The following TFPI variants were observed in gnomAD, a reference collection of about 807,000 sequenced individuals.
TFPI encodes tissue factor pathway inhibitor, also known as anti-convertin.
A neutral mutation model predicts 34.6 loss-of-function variants in TFPI; 15 were observed. The ratio of observed to expected loss-of-function variants is 0.43; its 90% CI spans 0.29 to 0.67. TFPI has a LOEUF of 0.67. TFPI is among the 30% of genes least tolerant of loss of function. The pLI, the probability that TFPI is intolerant of heterozygous loss-of-function variation, is 0.15. For missense variants in TFPI, 301 were observed against 364.0 expected, an observed-to-expected ratio of 0.83 and a Z score of 1.41; for synonymous variants, 105 against 120.1, an observed-to-expected ratio of 0.87 and a Z score of 0.82.
At chr2:187,538,838 T>G (rs1023474820) in intron 1 of TFPI, among the ~76,000 whole-genome samples, 1 of 152,224 alleles carries the variant, frequency 6.6e-6, no homozygotes, top group African/African-American at 2.4e-5. Flanking sequence ...CTCATATTTT[T>G]GGGCAATATC....
intron 1 of TFPI, among the ~76,000 whole-genome samples, chr2:187,521,577 T>A (rs1687374317): frequency 6.6e-6 from 1 of 152,080 alleles, no homozygotes. Flanking sequence ...CATTTCAATT[T>A]CTTTTTTTTG....
chr2:187,483,989 A>T lies in TFPI; in HGVS notation c.628+135T>A, dbSNP rs1693065961. The T allele has an allele frequency of 5.6e-6, 4 of 712,404 alleles. No homozygotes were observed. The South Asian group carries it at 7.9e-5, about 14-fold the overall frequency. 44.1% of individuals were successfully genotyped at this position (712,404 alleles called of 1,614,324 possible). A position where few individuals can be genotyped will look rare whatever the true frequency, so the allele number is the denominator to read the frequency against. The stretch of plus-strand genomic sequence containing the variant: ...TGTCTTAAACAATTTGAATCTCAGT[A>T]TTTCAACAAACACATTATTAAGCAA... On this transcript the variant is annotated intron_variant, in intron 6 of 7. Coordinates refer to ENST00000233156, the MANE Select transcript of TFPI (RefSeq NM_006287.6).
In TFPI at chr2:187,488,384, A is replaced by G. The variant is rs745456760; in HGVS notation, c.320-9T>C. Reference sequence around the variant, plus strand: ...AATCCTGTTTGCATTATCTGTAATCAAAAGAATATATGCATATCAATTGTC... The same window carrying G: ...AATCCTGTTTGCATTATCTGTAATCGAAAGAATATATGCATATCAATTGTC... On this transcript the variant is annotated splice_polypyrimidine_tract_variant and intron_variant, in intron 3 of 7. Coordinates refer to ENST00000233156, the MANE Select transcript of TFPI (RefSeq NM_006287.6). 41 of 1,527,418 alleles carry G rather than the reference A, an allele frequency of 2.7e-5. No homozygotes were observed. The highest frequency in any genetic ancestry group is 5.6e-5 in the African/African-American group (4 of 71,104). The allele number at this position is 1,527,418 out of a possible 1,614,324, so 94.6% of individuals were successfully genotyped here. A position where few individuals can be genotyped will look rare whatever the true frequency, so the allele number is the denominator to read the frequency against.
intron 1 of TFPI, chr2:187,514,953 T>C (rs1318965353): frequency 6.6e-6 from 1 of 152,212 alleles, no homozygotes; most frequent in Non-Finnish European, 1.5e-5. Flanking sequence ...AGCAACGAGC[T>C]TTTCATGAGT....
intron 1 of TFPI, among the ~76,000 whole-genome samples, chr2:187,527,869 C>T (rs543765100): frequency 2.0e-4 from 30 of 151,998 alleles, no homozygotes; most frequent in African/African-American, 7.2e-4. Context: ...TATCTTAGAG[C>T]TACATAATAT....
intron 6 of TFPI, among the ~76,000 whole-genome samples, chr2:187,475,805 G>A (rs865970726): frequency 3.3e-5 from 5 of 152,026 alleles, no homozygotes; most frequent in Non-Finnish European, 5.9e-5. Context: ...AATAATACCT[G>A]AGCAAAACTA....
chr2:187,515,626 T>C (rs1686950405), intron 1 of TFPI: 1 of 152,178 alleles, frequency 6.6e-6, no homozygotes. Context: ...TGGGACTCAT[T>C]TTCCTTAAAA....
Position 187,467,924 on chromosome 2 carries a change from C to T in TFPI, c.637G>A (p.Gly213Ser), listed in dbSNP as rs746176720. The T allele has an allele frequency of 3.8e-5, 59 of 1,562,106 alleles. No individual in the cohort carries two copies. The highest frequency in any genetic ancestry group is 4.8e-5 in the Non-Finnish European group (56 of 1,157,076). Residue 213 changes from glycine to serine, a missense_variant, in exon 7 of 8, where the codon GGT becomes AGT. By Grantham distance (56) the Gly-to-Ser change is moderately conservative. Transcript: ENST00000233156. ...GCTGGAGTGAGACACCATGAGGGACCGTGAAATTCTAAAAACAATCAGGAA... is the reference window on the plus strand; with the variant it reads ...GCTGGAGTGAGACACCATGAGGGACTGTGAAATTCTAAAAACAATCAGGAA... ...TKVPSLFEFH[G>S]PSWCLTPADR...
chr2:187,516,526 C>T (rs577573687), intron 1 of TFPI: 10 of 152,322 alleles, frequency 6.6e-5, no homozygotes, highest in African/African-American at 2.2e-4. Context: ...CTATATGAAT[C>T]ACTATTGATC....
intron 5 of TFPI, chr2:187,484,527 T>C (rs1344378669): frequency 4.2e-6 from 2 of 481,528 alleles, no homozygotes; most frequent in East Asian, 7.1e-5. Context: ...TTTGTATAAA[T>C]GTGAAAGATT....
intron 1 of TFPI, among the ~76,000 whole-genome samples, chr2:187,510,733 C>T (rs1686564887): frequency 6.6e-6 from 1 of 152,152 alleles, no homozygotes; most frequent in African/African-American, 2.4e-5. Context: ...ATTACTGGTG[C>T]ATGCAGCCCC....
chr2:187,536,052 A>C (rs1280391092), intron 1 of TFPI, among the ~76,000 whole-genome samples: 1 of 152,228 alleles, frequency 6.6e-6, no homozygotes, highest in African/African-American at 2.4e-5. Context: ...AAACGCCTGA[A>C]TAGACCAATA....
intron 1 of TFPI, among the ~76,000 whole-genome samples, chr2:187,538,292 T>G (rs1412304579): frequency 2.6e-5 from 4 of 152,176 alleles, no homozygotes; most frequent in Non-Finnish European, 5.9e-5. Context: ...ACAAGTATGT[T>G]TATTGCAGCA....
chr2:187,470,499 C>T (rs1330704059), intron 6 of TFPI, among the ~76,000 whole-genome samples: 1 of 152,106 alleles, frequency 6.6e-6, no homozygotes. Context: ...TATCATAGAC[C>T]AAGAACAGCA....
chr2:187,528,798 C>T (rs1045144871), intron 1 of TFPI, among the ~76,000 whole-genome samples: 3 of 151,736 alleles, frequency 2.0e-5, no homozygotes, highest in Non-Finnish European at 2.9e-5. Context: ...CTATATTTGA[C>T]CCTGAAGCAA....
At chr2:187,472,351 C>A (rs930344350) in intron 6 of TFPI, among the ~76,000 whole-genome samples, 1 of 152,084 alleles carries the variant, frequency 6.6e-6, no homozygotes, top group African/African-American at 2.4e-5. Flanking sequence ...GGCTCATGAA[C>A]ACCCATGTAC....
At chr2:187,549,445 G>A (rs1001197387) in intron 1 of TFPI, among the ~76,000 whole-genome samples, 9 of 152,082 alleles carry the variant, frequency 5.9e-5, no homozygotes, top group Non-Finnish European at 1.2e-4. Context: ...TCATAGTCTG[G>A]CAAGTGGGAA....
intron 3 of TFPI, among the ~76,000 whole-genome samples, chr2:187,492,827 G>A (rs995717422): frequency 6.6e-6 from 1 of 152,172 alleles, no homozygotes; most frequent in African/African-American, 2.4e-5. Context: ...AAGCTCCTAG[G>A]CAGAAGGGAC....
In TFPI at chr2:187,464,276, T is replaced by C. The variant is rs1380129978; in HGVS notation, c.*2660A>G. ...ATTTTACTTCTTATAATGTAAAAAA[T>C]ATAATCGTTTGAGTGGTTTTCAGCA... is the stretch of plus-strand genomic sequence containing the variant. On this transcript the variant is annotated 3_prime_UTR_variant, in exon 8 of 8. Coordinates refer to ENST00000233156, the MANE Select transcript of TFPI (RefSeq NM_006287.6). 1.3e-5 allele frequency: 2 copies of C among 152,112 alleles called. No individual in the cohort carries two copies. The highest frequency in any genetic ancestry group is 4.8e-5 in the African/African-American group (2 of 41,430). The allele number at this position is 152,112 out of a possible 1,614,324, so 9.4% of individuals were successfully genotyped here.
Sources: allele counts gnomAD v4.1 joint callset (sites outside exome capture counted in the v4.1 genomes callset), GRCh38; gene constraint gnomAD v4.1.1; transcripts MANE v1.5; gene names NCBI Gene and HGNC (gene_info 2026-07-23, HGNC 2026-07-21).